The following PCDHA5 variants were observed in gnomAD, a reference collection of about 807,000 sequenced individuals.
The protein encoded by PCDHA5 is protocadherin alpha-5.
Under a neutral mutation model 61.6 loss-of-function variants are expected in PCDHA5, and 43 were observed. That is an observed-to-expected ratio of 0.70 (90% confidence interval 0.55 to 0.90). The LOEUF is 0.90. Among genes scored for constraint, PCDHA5 ranks in the 40% least tolerant of loss-of-function variants. The pLI is 0.00. For synonymous variants in PCDHA5, 627 were observed against 543.9 expected, an observed-to-expected ratio of 1.15 and a Z score of -2.13; for missense variants, 1,298 against 1,222.7, an observed-to-expected ratio of 1.06 and a Z score of -0.92.
At chr5:140,870,839 T>C (rs1358609489) in intron 1 of PCDHA5, 3 of 1,613,690 alleles carry the variant, frequency 1.9e-6, no homozygotes, top group South Asian at 1.1e-5. Flanking sequence ...GTTAACAAGC[T>C]AGTACCGCGG....
chr5:140,949,591 T>A (rs1279124605), intron 1 of PCDHA5, among the ~76,000 whole-genome samples: 2 of 151,928 alleles, frequency 1.3e-5, no homozygotes, highest in Non-Finnish European at 2.9e-5. Flanking sequence ...GTGATATTAA[T>A]GTGGCCATTC....
chr5:140,919,613 A>G (rs993064588), intron 1 of PCDHA5, among the ~76,000 whole-genome samples: 1 of 152,270 alleles, frequency 6.6e-6, no homozygotes, highest in South Asian at 2.1e-4. Context: ...TTTAAACTGT[A>G]TCTTTTGAGT....
intron 3 of PCDHA5, among the ~76,000 whole-genome samples, chr5:140,990,425 T>G (rs1268987059): frequency 6.6e-6 from 1 of 152,214 alleles, no homozygotes; most frequent in Non-Finnish European, 1.5e-5. Context: ...CAACCAGCAT[T>G]GACCCAATCT....
rs2150210782 is a variant in PCDHA5, at chr5:140,833,751, A to AACAC, written c.2352+9637_2352+9640dup. Among the ~76,000 whole-genome samples the AACAC allele has an allele frequency of 5.0e-4, 75 of 151,354 alleles. 1 individual carries two copies. Among genetic ancestry groups the AACAC allele is most frequent in the Middle Eastern group, 3.4e-3 (1 of 294 alleles). ...AATGTTTCTTGCCTCCTAAAAAGAA[A>AACAC]ACACACACACACACACCGCTTTCTA... On this transcript the variant is annotated intron_variant, in intron 1 of 3. Coordinates refer to ENST00000529859, the MANE Select transcript of PCDHA5 (RefSeq NM_018908.3).
At chr5:140,883,871 G>A (rs1554180366) in intron 1 of PCDHA5, 2 of 1,613,242 alleles carry the variant, frequency 1.2e-6, no homozygotes, top group African/African-American at 2.7e-5. Context: ...GCAGTTCCAG[G>A]TGAGCGCGCG....
chr5:140,934,625 A>G (rs1554210030), intron 1 of PCDHA5, among the ~76,000 whole-genome samples: 1 of 152,116 alleles, frequency 6.6e-6, no homozygotes, highest in Non-Finnish European at 1.5e-5. Context: ...GGTACAGTTC[A>G]CACAGGAAAG....
intron 3 of PCDHA5, among the ~76,000 whole-genome samples, chr5:141,005,884 T>A (rs1554260408): frequency 6.6e-6 from 1 of 151,744 alleles, no homozygotes; most frequent in Non-Finnish European, 1.5e-5. Context: ...GAGTTTGAGG[T>A]TACATCAAGC....
intron 1 of PCDHA5, among the ~76,000 whole-genome samples, chr5:140,907,552 C>A (rs576974083): frequency 1.4e-4 from 21 of 152,278 alleles, no homozygotes; most frequent in Admixed American, 1.3e-3. Flanking sequence ...GGAAGAGGTC[C>A]AATATAATCA....
chr5:140,957,591 C>T (rs1554223040), intron 1 of PCDHA5, among the ~76,000 whole-genome samples: 1 of 151,946 alleles, frequency 6.6e-6, no homozygotes, highest in African/African-American at 2.4e-5. Flanking sequence ...CAAAGCACTT[C>T]CCAGAATAAA....
chr5:140,836,457 G>A (rs2150261358), intron 1 of PCDHA5: 82,082 of 1,613,792 alleles, frequency 0.051, 3,121 homozygotes, highest in Middle Eastern at 0.086. Context: ...CCCAGAGACC[G>A]AGCTGGTGGA....
intron 1 of PCDHA5, among the ~76,000 whole-genome samples, chr5:140,892,469 A>G (rs557049666): frequency 1.3e-5 from 2 of 152,302 alleles, no homozygotes; most frequent in South Asian, 4.1e-4. Context: ...ACGGTTATTC[A>G]GTTTCCTAGC....
chr5:140,836,654 G>A (rs1164686105), intron 1 of PCDHA5: 7 of 1,613,324 alleles, frequency 4.3e-6, no homozygotes, highest in Middle Eastern at 1.6e-4. Context: ...GGCGGCAGAG[G>A]GTGTGCTCTG....
intron 1 of PCDHA5, chr5:140,884,514 CG>C (rs1244903550): frequency 5.0e-6 from 8 of 1,614,058 alleles, no homozygotes; most frequent in Middle Eastern, 1.6e-4. Flanking sequence ...GGGAGTTGGT[CG>C]TACTCGCAGC....
chr5:140,838,244 G>A (rs1372782254), intron 1 of PCDHA5, among the ~76,000 whole-genome samples: 4 of 149,760 alleles, frequency 2.7e-5, no homozygotes, highest in Non-Finnish European at 5.9e-5. Flanking sequence ...CTCCCAAGTA[G>A]CTGGGATTAA....
rs1554262229 is a variant in PCDHA5, at chr5:141,009,613, G to A, written c.2501-14G>A. ...GTTGACCCTGTTAATGATTTGTAATGTTTTGTCTTTCAGAACCAGAGGCAG... is the reference window on the plus strand; with the variant it reads ...GTTGACCCTGTTAATGATTTGTAATATTTTGTCTTTCAGAACCAGAGGCAG... On this transcript the variant is annotated splice_polypyrimidine_tract_variant and intron_variant, in intron 3 of 3. Coordinates refer to ENST00000529859, the MANE Select transcript of PCDHA5 (RefSeq NM_018908.3). The A allele has an allele frequency of 6.2e-7, 1 of 1,611,932 alleles. No individual in the cohort carries two copies. Among genetic ancestry groups the A allele is most frequent in the Non-Finnish European group, 8.5e-7 (1 of 1,178,618 alleles).
chr5:140,858,776 C>T, intron 1 of PCDHA5: 1 of 420,692 alleles, frequency 2.4e-6, no homozygotes, highest in Non-Finnish European at 4.3e-6. Flanking sequence ...GAGATTAGTA[C>T]TTCATGTTAT....
intron 1 of PCDHA5, chr5:140,875,665 C>A: frequency 6.2e-7 from 1 of 1,613,748 alleles, no homozygotes; most frequent in Non-Finnish European, 8.5e-7. Flanking sequence ...GCGCCTGTTC[C>A]GGGTGGCGTC....
At chr5:140,827,662 C>T (rs183255213) in intron 1 of PCDHA5, among the ~76,000 whole-genome samples, 59 of 152,266 alleles carry the variant, frequency 3.9e-4, no homozygotes, top group Admixed American at 2.4e-3. Flanking sequence ...AAAGCAGTTC[C>T]GTTAACACTT....
rs1554217734 is a variant in PCDHA5 at position 140,946,611 on chromosome 5, A to AATATATATATATATATATATATATATAT, written c.2353-32317_2353-32316insTATATATATATATATATATATATATATA. Among the ~76,000 whole-genome samples, 579 of 86,182 alleles carry AATATATATATATATATATATATATATAT rather than the reference A, an allele frequency of 6.7e-3. 16 individuals are homozygous for AATATATATATATATATATATATATATAT. The highest frequency in any genetic ancestry group is 0.011 in the Middle Eastern group (2 of 184). 56.5% of individuals were successfully genotyped at this position (86,182 alleles called of 152,430 possible). A position where few individuals can be genotyped will look rare whatever the true frequency, so the allele number is the denominator to read the frequency against. On this transcript the variant is annotated intron_variant, in intron 1 of 3. Transcript: ENST00000529859. ...GGATGAATAGATAAAGAAAATGTGA[A>AATATATATATATATATATATATATATAT]ATATATATATATATATATATACAAT...
Sources: allele counts gnomAD v4.1 joint callset (sites outside exome capture counted in the v4.1 genomes callset), GRCh38; gene constraint gnomAD v4.1.1; transcripts MANE v1.5; gene names NCBI Gene and HGNC (gene_info 2026-07-23, HGNC 2026-07-21).